PPARGC1A: variants seen among roughly 807,000 people sequenced by gnomAD.
PPARGC1A encodes peroxisome proliferator-activated receptor gamma coactivator 1-alpha.
Under a neutral mutation model 88.7 loss-of-function variants are expected in PPARGC1A, and 25 were observed. The observed-to-expected ratio is 0.28, with a 90% CI of 0.21 to 0.39. PPARGC1A has a LOEUF of 0.39. PPARGC1A is among the 10% of genes least tolerant of loss of function. The probability of loss-of-function intolerance (pLI) is 1.00; values close to 1 mark genes in which losing one functional copy is unlikely to be tolerated. For synonymous variants in PPARGC1A, 363 were observed against 355.6 expected (o/e 1.02, Z -0.24); for missense variants, 880 against 968.7 (o/e 0.91, Z 1.22).
the PPARGC1A span, among the ~76,000 whole-genome samples, chr4:24,217,409 T>C: frequency 6.6e-6 from 1 of 152,010 alleles, no homozygotes; most frequent in Admixed American, 6.6e-5. Flanking sequence ...GAATTGGAGG[T>C]GTCTAGTTAG....
At chr4:24,452,696 G>A in the PPARGC1A span, among the ~76,000 whole-genome samples, 1 of 152,144 alleles carries the variant, frequency 6.6e-6, no homozygotes, top group Non-Finnish European at 1.5e-5. Context: ...GTGGAATACT[G>A]TTCCATGTGC....
chr4:23,957,172 T>C, the PPARGC1A span, among the ~76,000 whole-genome samples: 1 of 152,090 alleles, frequency 6.6e-6, no homozygotes, highest in African/African-American at 2.4e-5. Flanking sequence ...ATCCTCTGCC[T>C]ACAACCCTCA....
At chr4:24,359,638 G>A in the PPARGC1A span, among the ~76,000 whole-genome samples, 4 of 152,158 alleles carry the variant, frequency 2.6e-5, no homozygotes, top group Non-Finnish European at 5.9e-5. Flanking sequence ...GGTCATACTG[G>A]TTCAAGATGG....
chr4:23,844,741 TC>T (rs1336129618), intron 2 of PPARGC1A, among the ~76,000 whole-genome samples: 96 of 101,420 alleles, frequency 9.5e-4, no homozygotes, highest in Non-Finnish European at 1.2e-3. Context: ...ATATGATATA[TC>T]ATAATATATG....
intron 2 of PPARGC1A, among the ~76,000 whole-genome samples, chr4:23,860,156 T>C (rs1444900549): frequency 6.6e-6 from 1 of 151,952 alleles, no homozygotes; most frequent in Non-Finnish European, 1.5e-5. Context: ...CCTGTAGTCC[T>C]AGCTATATGG....
the PPARGC1A span, among the ~76,000 whole-genome samples, chr4:24,200,655 C>CAA: frequency 3.4e-5 from 3 of 88,316 alleles, no homozygotes; most frequent in Non-Finnish European, 4.4e-5. Context: ...ATTTATTAAG[C>CAA]AAAAAAAAAA....
At chr4:23,873,201 A>C (rs1713870855) in intron 2 of PPARGC1A, among the ~76,000 whole-genome samples, 1 of 136,158 alleles carries the variant, frequency 7.3e-6, no homozygotes, top group Admixed American at 7.0e-5. Flanking sequence ...CCGTCTCAAA[A>C]ATAAAAAATA....
chr4:23,948,185 G>C, the PPARGC1A span, among the ~76,000 whole-genome samples: 1 of 152,252 alleles, frequency 6.6e-6, no homozygotes, highest in South Asian at 2.1e-4. Flanking sequence ...TAGGTCCCAG[G>C]AACCATGTGG....
chr4:24,157,165 A>C, the PPARGC1A span, among the ~76,000 whole-genome samples: 271 of 152,272 alleles, frequency 1.8e-3, no homozygotes, highest in African/African-American at 6.2e-3. Flanking sequence ...TCTGTTTCTG[A>C]AAAATAAAAG....
chr4:23,892,650 C>T (rs1420506015), upstream of PPARGC1A, among the ~76,000 whole-genome samples: 1 of 151,336 alleles, frequency 6.6e-6, no homozygotes, highest in African/African-American at 2.4e-5. Context: ...TCTCTCTCTG[C>T]TTTGACTATT....
chr4:24,263,456 T>TACACACAC, the PPARGC1A span, among the ~76,000 whole-genome samples: 223 of 150,180 alleles, frequency 1.5e-3, no homozygotes, highest in African/African-American at 4.2e-3. Flanking sequence ...TGTGGGTGTA[T>TACACACAC]ACACACACAC....
the PPARGC1A span, among the ~76,000 whole-genome samples, chr4:24,081,068 A>G: frequency 6.6e-6 from 1 of 152,152 alleles, no homozygotes. Flanking sequence ...AAAGTGCAAC[A>G]GAAAATGCTT....
chr4:24,400,135 G>C, the PPARGC1A span, among the ~76,000 whole-genome samples: 1 of 152,156 alleles, frequency 6.6e-6, no homozygotes, highest in Non-Finnish European at 1.5e-5. Flanking sequence ...TATTCAAAGA[G>C]CTGAAATACA....
chr4:23,926,008 C>T, the PPARGC1A span, among the ~76,000 whole-genome samples: 4 of 152,116 alleles, frequency 2.6e-5, no homozygotes, highest in African/African-American at 7.2e-5. Flanking sequence ...TGGTTTTAGT[C>T]GTGATGCATT....
chr4:23,854,226 G>A (rs1302071312), intron 2 of PPARGC1A, among the ~76,000 whole-genome samples: 1 of 152,134 alleles, frequency 6.6e-6, no homozygotes, highest in East Asian at 1.9e-4. Context: ...TGAGAAGAGA[G>A]AATCATTTTT....
At chr4:24,466,952 AAAAGAAAG>A in the PPARGC1A span, among the ~76,000 whole-genome samples, 1 of 133,646 alleles carries the variant, frequency 7.5e-6, no homozygotes, top group Non-Finnish European at 1.6e-5. Context: ...GAAAAAGAAA[AAAAGAAAG>A]AAAGAAAGAA....
the PPARGC1A span, among the ~76,000 whole-genome samples, chr4:24,274,707 C>G: frequency 6.6e-6 from 1 of 152,144 alleles, no homozygotes; most frequent in African/African-American, 2.4e-5. Flanking sequence ...CTTGCCAACC[C>G]TTGGTTTAGG....
the PPARGC1A span, among the ~76,000 whole-genome samples, chr4:24,138,741 C>G: frequency 6.6e-6 from 1 of 152,146 alleles, no homozygotes; most frequent in East Asian, 1.9e-4. Context: ...AAATGGTCAG[C>G]TCTCCCTGTA....
chr4:24,209,237 G>A, the PPARGC1A span, among the ~76,000 whole-genome samples: 4 of 152,238 alleles, frequency 2.6e-5, no homozygotes, highest in African/African-American at 7.2e-5. Context: ...GGGGTCCTCC[G>A]GAAGAATCTA....
Sources: allele counts gnomAD v4.1 joint callset (sites outside exome capture counted in the v4.1 genomes callset), GRCh38; gene constraint gnomAD v4.1.1; transcripts MANE v1.5; gene names NCBI Gene and HGNC (gene_info 2026-07-23, HGNC 2026-07-21).